ALK: variants seen among roughly 807,000 people sequenced by gnomAD.
ALK encodes the protein ALK receptor tyrosine kinase.
Under a neutral mutation model 163.1 loss-of-function variants are expected in ALK, and 74 were observed. The ratio of observed to expected loss-of-function variants is 0.45; its 90% CI spans 0.38 to 0.55. ALK has a LOEUF of 0.55. ALK is among the 20% of genes least tolerant of loss of function. The probability of loss-of-function intolerance (pLI) is 0.00; values close to 1 mark genes in which losing one functional copy is unlikely to be tolerated. For missense variants in ALK, 2,063 were observed against 2,105.3 expected (o/e 0.98, Z 0.39); for synonymous variants, 960 against 843.2 (o/e 1.14, Z -2.40).
At chr2:29,205,687 A>G (rs1419872306) in intron 26 of ALK, among the ~76,000 whole-genome samples, 1 of 152,090 alleles carries the variant, frequency 6.6e-6, no homozygotes, top group African/African-American at 2.4e-5. Context: ...TGTGTGTGTG[A>G]AATCTCCTGG....
chr2:29,877,633 A>T (rs1666757761), intron 1 of ALK, among the ~76,000 whole-genome samples: 1 of 152,204 alleles, frequency 6.6e-6, no homozygotes, highest in Non-Finnish European at 1.5e-5. Flanking sequence ...GAATGAATTC[A>T]TGAGGCCTCA....
intron 1 of ALK, among the ~76,000 whole-genome samples, chr2:29,830,713 T>TAAAAAAAA (rs530774574): frequency 1.0e-4 from 3 of 28,966 alleles, no homozygotes; most frequent in Admixed American, 6.5e-4. Context: ...TAAAATAGTT[T>TAAAAAAAA]AAAAAAAAAA....
chr2:29,678,813 A>C (rs1417458042), intron 3 of ALK, among the ~76,000 whole-genome samples: 1 of 151,726 alleles, frequency 6.6e-6, no homozygotes, highest in Non-Finnish European at 1.5e-5. Context: ...CATATGGTCT[A>C]TATTGAAGAA....
chr2:29,578,035 G>A (rs540619358), intron 3 of ALK, among the ~76,000 whole-genome samples: 1 of 151,838 alleles, frequency 6.6e-6, no homozygotes, highest in Non-Finnish European at 1.5e-5. Flanking sequence ...AACTGATAGG[G>A]TTTGGCTGTG....
intron 3 of ALK, among the ~76,000 whole-genome samples, chr2:29,608,047 T>A (rs902418083): frequency 3.9e-5 from 6 of 152,214 alleles, no homozygotes; most frequent in African/African-American, 1.4e-4. Context: ...TTGCTTTGTC[T>A]GGAATGCTCT....
chr2:29,739,033 TC>T (rs1679973110), intron 1 of ALK, among the ~76,000 whole-genome samples: 1 of 151,388 alleles, frequency 6.6e-6, no homozygotes, highest in South Asian at 2.1e-4. Context: ...GACCAGGAGT[TC>T]AAGACCAGTC....
intron 3 of ALK, among the ~76,000 whole-genome samples, chr2:29,658,703 A>G (rs930019867): frequency 6.6e-6 from 1 of 152,196 alleles, no homozygotes; most frequent in Admixed American, 6.5e-5. Context: ...TAGCATACAT[A>G]TTAATGCTAG....
At chr2:29,908,360 C>G (rs1667607135) in intron 1 of ALK, among the ~76,000 whole-genome samples, 1 of 144,218 alleles carries the variant, frequency 6.9e-6, no homozygotes, top group Non-Finnish European at 1.5e-5. Context: ...CTTCTCTTTC[C>G]TCTCTCCCTT....
At chr2:29,730,812 C>T (rs1054767651) in intron 1 of ALK, among the ~76,000 whole-genome samples, 1 of 152,190 alleles carries the variant, frequency 6.6e-6, no homozygotes, top group African/African-American at 2.4e-5. Context: ...CTCCATAGGT[C>T]AGTGTCTCTG....
intron 3 of ALK, among the ~76,000 whole-genome samples, chr2:29,656,309 G>A (rs377353173): frequency 9.1e-4 from 138 of 152,196 alleles, no homozygotes; most frequent in African/African-American, 3.2e-3. Flanking sequence ...TGTAAGATCC[G>A]TCCTAACTCT....
chr2:29,602,632 C>A (rs954005856), intron 3 of ALK, among the ~76,000 whole-genome samples: 4 of 152,280 alleles, frequency 2.6e-5, no homozygotes, highest in Non-Finnish European at 5.9e-5. Flanking sequence ...TTGATAATGT[C>A]ACCACCCCTC....
chr2:29,390,960 G>C (rs1669153504), intron 4 of ALK, among the ~76,000 whole-genome samples: 1 of 152,208 alleles, frequency 6.6e-6, no homozygotes, highest in Non-Finnish European at 1.5e-5. Flanking sequence ...GCTGTGAAAG[G>C]AAGAGGTTTC....
At chr2:29,658,678 G>A (rs1484774564) in intron 3 of ALK, among the ~76,000 whole-genome samples, 1 of 152,140 alleles carries the variant, frequency 6.6e-6, no homozygotes, top group Non-Finnish European at 1.5e-5. Flanking sequence ...CAAGTGTGAC[G>A]AGTGCCATTT....
chr2:29,717,768 AGTCAAAAATGAAGTTTATAAGG>A lies in ALK; in HGVS notation c.668-93_668-72del, dbSNP rs573118965. ...TGTCTTTTAGCTGTCACTCAATATC[AGTCAAAAATGAAGTTTATAAGG>A]GGCTTTCATGACATCCATCGGGAAG... On this transcript the variant is annotated intron_variant, in intron 1 of 28. Transcript: ENST00000389048. 6.0e-5 allele frequency: 96 copies of A among 1,606,376 alleles called. No homozygotes were observed. The East Asian group carries it at 1.8e-3, about 31-fold the overall frequency.
At chr2:29,887,573 C>T (rs1667016826) in intron 1 of ALK, among the ~76,000 whole-genome samples, 1 of 152,168 alleles carries the variant, frequency 6.6e-6, no homozygotes, top group Non-Finnish European at 1.5e-5. Context: ...GGATCAAGGA[C>T]TTTGGGCCTA....
chr2:29,340,761 A>G (rs1319916185), intron 5 of ALK, among the ~76,000 whole-genome samples: 1 of 152,370 alleles, frequency 6.6e-6, no homozygotes, highest in East Asian at 1.9e-4. Context: ...TGATAAACCC[A>G]TAAGAGGCTT....
At chr2:29,509,894 GGTTTAGCAATT>G (rs1366034339) in intron 4 of ALK, among the ~76,000 whole-genome samples, 3 of 152,276 alleles carry the variant, frequency 2.0e-5, no homozygotes, top group African/African-American at 7.2e-5. Context: ...GTAGTTTTTA[GGTTTAGCAATT>G]GTGATCTGTT....
At chr2:29,819,786 TCAG>T (rs905888078) in intron 1 of ALK, among the ~76,000 whole-genome samples, 1 of 152,220 alleles carries the variant, frequency 6.6e-6, no homozygotes, top group African/African-American at 2.4e-5. Context: ...CTCCCCATGG[TCAG>T]CAGGTCACTA....
chr2:29,424,538 A>G (rs1670091580), intron 4 of ALK, among the ~76,000 whole-genome samples: 1 of 152,254 alleles, frequency 6.6e-6, no homozygotes, highest in Admixed American at 6.5e-5. Flanking sequence ...TAGCAAAGTC[A>G]AGAAGGTTGC....
Sources: gnomAD v4.1 joint callset for allele counts (sites outside exome capture counted in the v4.1 genomes callset) on GRCh38, gnomAD v4.1.1 for gene constraint, MANE v1.5 for transcripts, NCBI Gene and HGNC (gene_info 2026-07-23, HGNC 2026-07-21) for gene names.